Variants in NMT2 observed in about 807,000 individuals in gnomAD.
NMT2 encodes glycylpeptide N-tetradecanoyltransferase 2.
Under a neutral mutation model 65.4 loss-of-function variants are expected in NMT2, and 35 were observed. That is an observed-to-expected ratio of 0.54 (90% CI 0.41 to 0.71). The LOEUF is 0.71. NMT2 is among the 30% of genes least tolerant of loss of function. NMT2 has a pLI of 0.00. For missense variants in NMT2, 489 were observed against 611.3 expected (o/e 0.80, Z 2.11); for synonymous variants, 226 against 231.8 (o/e 0.98, Z 0.23).
At chr10:15,144,573 T>C (rs1246533170) in intron 1 of NMT2, among the ~76,000 whole-genome samples, 1 of 151,910 alleles carries the variant, frequency 6.6e-6, no homozygotes, top group Non-Finnish European at 1.5e-5. Context: ...CTACTAAAAA[T>C]ACAAAAAATT....
Position 15,107,940 on chromosome 10 carries a change from T to C in NMT2, c.*1255A>G. On this transcript the variant is annotated 3_prime_UTR_variant, in exon 12 of 12. Coordinates refer to ENST00000378165, the MANE Select transcript of NMT2 (RefSeq NM_004808.3). ...ATACTTATTTACAAATAAGACATTT[T>C]CCATTAGCATGACACATGACAGTTT... 2.0e-6 allele frequency: 2 copies of C among 985,594 alleles called. No homozygotes were observed. The highest frequency in any genetic ancestry group is 2.4e-6 in the Non-Finnish European group (2 of 829,694). The allele number at this position is 985,594 out of a possible 1,614,324, so 61.1% of individuals were successfully genotyped here.
At chr10:15,144,598 G>C (rs11259516) in intron 1 of NMT2, among the ~76,000 whole-genome samples, 1 of 152,178 alleles carries the variant, frequency 6.6e-6, no homozygotes, top group African/African-American at 2.4e-5. Context: ...GGGCGTGGTG[G>C]CGGGCGCCTG....
chr10:15,168,234 C>T, intron 1 of NMT2: 1 of 334,716 alleles, frequency 3.0e-6, no homozygotes, highest in East Asian at 5.4e-5. Flanking sequence ...ATGGGCGAGG[C>T]TGGCCGGGGG....
intron 9 of NMT2, among the ~76,000 whole-genome samples, chr10:15,115,442 A>G (rs988534077): frequency 7.9e-5 from 12 of 152,226 alleles, no homozygotes; most frequent in Non-Finnish European, 1.5e-5. Context: ...CATCATAAAA[A>G]CTATACAAAT....
intron 8 of NMT2, among the ~76,000 whole-genome samples, chr10:15,120,745 TG>T (rs1231483766): frequency 2.0e-5 from 3 of 152,162 alleles, no homozygotes; most frequent in Admixed American, 6.5e-5. Context: ...TCAGGCTGGA[TG>T]GGAAGGCAAG....
rs144953974 is a variant in NMT2, at chr10:15,133,216, T to C, written c.510+29A>G. 1.1e-5 allele frequency: 18 copies of C among 1,602,306 alleles called. No homozygotes were observed. The African/African-American group carries it at 2.0e-4, about 18-fold the overall frequency. On this transcript the variant is annotated intron_variant, in intron 4 of 11. Transcript: ENST00000378165. ...TAGAAGCAATGTGTGAATGCAGGAG[T>C]TGAATTTAAGAGGTTTTTACTCACT... is the stretch of plus-strand genomic sequence containing the variant.
In NMT2 at chr10:15,127,056, C is replaced by A. The variant is rs569785824; in HGVS notation, c.999+1294G>T. ...GACCAGCCTGGCCAACATGGTGAAACCCCCGCCATCTCTACTAAAAATACA... is the reference window on the plus strand; with the variant it reads ...GACCAGCCTGGCCAACATGGTGAAAACCCCGCCATCTCTACTAAAAATACA... On this transcript the variant is annotated intron_variant, in intron 8 of 11. Coordinates refer to ENST00000378165, the MANE Select transcript of NMT2 (RefSeq NM_004808.3). 6.4e-4 allele frequency among the ~76,000 whole-genome samples: 96 copies of A among 150,640 alleles called. 1 individual carries two copies. The highest frequency in any genetic ancestry group is 7.0e-3 in the Middle Eastern group (2 of 286).
intron 6 of NMT2, among the ~76,000 whole-genome samples, chr10:15,131,018 G>C (rs1376672365): frequency 2.0e-5 from 3 of 151,948 alleles, no homozygotes; most frequent in African/African-American, 7.3e-5. Flanking sequence ...TCGCATTCCT[G>C]ACCTCATGAT....
chr10:15,140,158 C>CT (rs1329461460), intron 2 of NMT2, among the ~76,000 whole-genome samples: 1 of 151,986 alleles, frequency 6.6e-6, no homozygotes, highest in African/African-American at 2.4e-5. Flanking sequence ...GACATGGTCT[C>CT]TGTCGCCAGG....
intron 1 of NMT2, among the ~76,000 whole-genome samples, chr10:15,154,455 C>T (rs1184228212): frequency 6.6e-6 from 1 of 152,200 alleles, no homozygotes; most frequent in Non-Finnish European, 1.5e-5. Context: ...ACAGTAGGTG[C>T]CCCTTATCCT....
At chr10:15,156,577 GT>G in intron 1 of NMT2, among the ~76,000 whole-genome samples, 1 of 152,134 alleles carries the variant, frequency 6.6e-6, no homozygotes, top group Non-Finnish European at 1.5e-5. Context: ...TTTTTGCTTA[GT>G]GATTCATTCG....
intron 1 of NMT2, among the ~76,000 whole-genome samples, chr10:15,156,966 T>C (rs1432028654): frequency 6.6e-6 from 1 of 152,120 alleles, no homozygotes; most frequent in East Asian, 1.9e-4. Context: ...ATAAGCACTC[T>C]GCTTTCACTG....
chr10:15,130,786 CTTTTTTT>C (rs765987022), intron 6 of NMT2, among the ~76,000 whole-genome samples: 2 of 101,206 alleles, frequency 2.0e-5, no homozygotes, highest in African/African-American at 7.6e-5. Context: ...TTCTTTCTTT[CTTTTTTT>C]TTTTTTTTTT....
chr10:15,157,535 C>A (rs1833043873), intron 1 of NMT2, among the ~76,000 whole-genome samples: 1 of 152,040 alleles, frequency 6.6e-6, no homozygotes, highest in South Asian at 2.1e-4. Context: ...GGGGCAGAGG[C>A]TCCAGAGAAA....
rs146711810 is a variant in NMT2, at chr10:15,155,462, G to A, written c.110+13041C>T. 323 of 480,686 alleles carry A rather than the reference G, an allele frequency of 6.7e-4. 1 individual carries two copies. Among genetic ancestry groups the A allele is most frequent in the African/African-American group, 5.7e-3 (288 of 50,694 alleles). The allele number at this position is 480,686 out of a possible 1,614,324, so 29.8% of individuals were successfully genotyped here. A position where few individuals can be genotyped will look rare whatever the true frequency, so the allele number is the denominator to read the frequency against. ...TAGCTCACTGCAGCCTTGAACTTCCGGGCTCAAGTGATCCTCCCGCCTCAG... is the reference window on the plus strand; with the variant it reads ...TAGCTCACTGCAGCCTTGAACTTCCAGGCTCAAGTGATCCTCCCGCCTCAG... On this transcript the variant is annotated intron_variant, in intron 1 of 11. Coordinates refer to ENST00000378165, the MANE Select transcript of NMT2 (RefSeq NM_004808.3).
rs1361045537 is a variant in NMT2 at position 15,136,294 on chromosome 10, G to C, written c.247-876C>G. On this transcript the variant is annotated intron_variant, in intron 2 of 11. Coordinates refer to ENST00000378165, the MANE Select transcript of NMT2 (RefSeq NM_004808.3). ...GGGAAGGGAAGGGAAAGGAGGGAGA[G>C]AGAGAGAAGGAGAGAGAAAGAGAAA... Among the ~76,000 whole-genome samples the C allele has an allele frequency of 1.5e-4, 22 of 149,378 alleles. No homozygotes were observed. The Admixed American group carries it at 1.5e-3, about 10-fold the overall frequency.
chr10:15,158,449 A>T (rs1833076922), intron 1 of NMT2, among the ~76,000 whole-genome samples: 1 of 152,252 alleles, frequency 6.6e-6, no homozygotes, highest in South Asian at 2.1e-4. Context: ...AATGAGAAGT[A>T]GAAAAAGAAA....
At chr10:15,113,191 T>G (rs1381620699) in intron 9 of NMT2, among the ~76,000 whole-genome samples, 2 of 151,854 alleles carry the variant, frequency 1.3e-5, no homozygotes, top group Non-Finnish European at 2.9e-5. Flanking sequence ...ACAAAGTTCT[T>G]AGGAAGCAGA....
chr10:15,160,025 GCTGACC>G (rs1833135892), intron 1 of NMT2, among the ~76,000 whole-genome samples: 1 of 152,176 alleles, frequency 6.6e-6, no homozygotes, highest in African/African-American at 2.4e-5. Context: ...GGACATTTGG[GCTGACC>G]TTGAACTTAG....
Sources: allele counts gnomAD v4.1 joint callset (sites outside exome capture counted in the v4.1 genomes callset), GRCh38; gene constraint gnomAD v4.1.1; transcripts MANE v1.5; gene names NCBI Gene and HGNC (gene_info 2026-07-23, HGNC 2026-07-21).